Variants in PUM2 observed in about 807,000 individuals in gnomAD.
The protein encoded by PUM2 is pumilio homolog 2.
In PUM2, 57 loss-of-function variants were observed where a neutral mutation model predicts 124.5. The observed-to-expected ratio is 0.46, with a 90% CI of 0.37 to 0.57. The LOEUF is 0.57. PUM2 is among the 20% of genes least tolerant of loss of function. PUM2 has a pLI of 0.00. For synonymous variants in PUM2, 460 were observed against 446.1 expected (o/e 1.03, Z -0.39); for missense variants, 1,065 against 1,290.6 (o/e 0.83, Z 2.68).
chr2:20,269,586 T>C (rs934673294), intron 13 of PUM2, among the ~76,000 whole-genome samples: 2 of 152,196 alleles, frequency 1.3e-5, no homozygotes, highest in Non-Finnish European at 2.9e-5. Context: ...AGTGGGCATA[T>C]TTAAAAGTAT....
At chr2:20,326,401 T>C (rs952338275) in intron 2 of PUM2, 12 of 1,304,124 alleles carry the variant, frequency 9.2e-6, no homozygotes, top group African/African-American at 3.0e-5. Context: ...GAGCACAGCA[T>C]TGGATGGAGT....
chr2:20,326,746 TAATTTACAGGGGAGAC>T lies in PUM2; in HGVS notation c.51+548_51+563del, dbSNP rs1683775147. 2.0e-5 allele frequency among the ~76,000 whole-genome samples: 3 copies of T among 152,184 alleles called. No individual in the cohort carries two copies. The South Asian group carries it at 6.2e-4, about 31-fold the overall frequency. ...TACTATGCTAGGCATTCAAAGCTAA[TAATTTACAGGGGAGAC>T]AAGTGTAAAACAAACTAACCAGCAA... On this transcript the variant is annotated intron_variant, in intron 2 of 20. Coordinates refer to ENST00000361078, the MANE Select transcript of PUM2 (RefSeq NM_015317.5).
At chr2:20,307,933 A>G (rs767648545) in intron 7 of PUM2, 45 bp downstream of exon 7, 4 of 1,586,698 alleles carry the variant, frequency 2.5e-6, no homozygotes, top group Non-Finnish European at 3.4e-6. Flanking sequence ...CATCCTAGAC[A>G]TTTTAACAAG....
intron 7 of PUM2, among the ~76,000 whole-genome samples, chr2:20,298,843 TAATAAC>T (rs565378781): frequency 2.0e-5 from 3 of 152,064 alleles, no homozygotes; most frequent in Non-Finnish European, 4.4e-5. Flanking sequence ...CGTCTCAGAA[TAATAAC>T]AATAACAACA....
intron 1 of PUM2, among the ~76,000 whole-genome samples, chr2:20,345,373 G>A (rs920685400): frequency 1.1e-4 from 16 of 152,232 alleles, no homozygotes; most frequent in African/African-American, 3.6e-4. Flanking sequence ...GTCTCCCAAA[G>A]TGTTGAGATT....
At chr2:20,347,941 T>C (rs1041339157) in intron 1 of PUM2, among the ~76,000 whole-genome samples, 4 of 152,108 alleles carry the variant, frequency 2.6e-5, no homozygotes, top group Non-Finnish European at 5.9e-5. Flanking sequence ...CTGCCATATT[T>C]CATCAGCGTT....
Position 20,286,707 on chromosome 2 carries a change from CTCTT to C in PUM2, c.1292-3225_1292-3222del, listed in dbSNP as rs548998930. 2.6e-5 allele frequency among the ~76,000 whole-genome samples: 4 copies of C among 152,118 alleles called. No homozygotes were observed. In the South Asian group the frequency reaches 8.3e-4, roughly 32 times the overall value. ...TCTACATTCTTTGGTTTTATTCTCT[CTCTT>C]TTTTTTAGAGTTTCTGGATAAATGC... On this transcript the variant is annotated intron_variant, in intron 10 of 20. Transcript: ENST00000361078.
intron 1 of PUM2, among the ~76,000 whole-genome samples, chr2:20,345,911 C>T (rs906029318): frequency 1.3e-5 from 2 of 152,178 alleles, no homozygotes; most frequent in Admixed American, 6.5e-5. Flanking sequence ...GATGAAAAGA[C>T]ACAATTTTAA....
intron 13 of PUM2, among the ~76,000 whole-genome samples, chr2:20,265,503 C>T (rs889148764): frequency 6.6e-6 from 1 of 152,202 alleles, no homozygotes; most frequent in African/African-American, 2.4e-5. Context: ...AAAATTGGGT[C>T]CTTATCACAT....
intron 1 of PUM2, among the ~76,000 whole-genome samples, chr2:20,345,250 G>GT (rs1688031425): frequency 6.6e-6 from 1 of 151,746 alleles, no homozygotes; most frequent in Admixed American, 6.6e-5. Flanking sequence ...AGCTTGGACT[G>GT]TAAGTGCGTG....
intron 9 of PUM2, among the ~76,000 whole-genome samples, chr2:20,293,408 T>C (rs905582174): frequency 9.9e-5 from 15 of 152,216 alleles, no homozygotes; most frequent in African/African-American, 3.6e-4. Flanking sequence ...AGAGCATCTA[T>C]GTAGAATCAA....
Position 20,250,788 on chromosome 2 carries a change from C to A in PUM2, c.*797G>T, listed in dbSNP as rs566493695. The A allele has an allele frequency of 7.2e-5, 11 of 152,508 alleles. No individual in the cohort carries two copies. The highest frequency in any genetic ancestry group is 1.5e-4 in the Non-Finnish European group (10 of 67,974). 9.4% of individuals were successfully genotyped at this position (152,508 alleles called of 1,614,324 possible). ...AATTTCCACTCTTTCTCATTGCAAA[C>A]CAAACTGAAAAGTTAATAAGTGACT... On this transcript the variant is annotated 3_prime_UTR_variant, in exon 21 of 21. Transcript: ENST00000361078.
At chr2:20,316,962 C>A (rs1364092844) in intron 3 of PUM2, among the ~76,000 whole-genome samples, 1 of 151,856 alleles carries the variant, frequency 6.6e-6, no homozygotes, top group African/African-American at 2.4e-5. Context: ...ACCTGGGAGG[C>A]GGAGGTTGCA....
In PUM2 at chr2:20,347,578, T is replaced by C. The variant is rs1434936908; in HGVS notation, c.-19+3019A>G. 4.6e-5 allele frequency among the ~76,000 whole-genome samples: 7 copies of C among 152,230 alleles called. No individual in the cohort carries two copies. The South Asian group carries it at 1.2e-3, about 27-fold the overall frequency. On this transcript the variant is annotated intron_variant, in intron 1 of 20. Coordinates refer to ENST00000361078, the MANE Select transcript of PUM2 (RefSeq NM_015317.5). The stretch of plus-strand genomic sequence containing the variant: ...AAAACTGTCTCCTGTCTATATATAT[T>C]GCCAAATATAAAAATCACTATTAAA...
At chr2:20,260,028 T>C (rs1665790622) in intron 15 of PUM2, among the ~76,000 whole-genome samples, 1 of 152,214 alleles carries the variant, frequency 6.6e-6, no homozygotes, top group Non-Finnish European at 1.5e-5. Context: ...ATTTCCCTGA[T>C]TAGTAAGGAT....
At chr2:20,312,114 G>C in intron 4 of PUM2, 122 bp downstream of exon 4, 1 of 884,884 alleles carries the variant, frequency 1.1e-6, no homozygotes, top group South Asian at 1.9e-5. Context: ...AGCAATAATA[G>C]TTACAAAATT....
chr2:20,336,191 T>C (rs1206611157), intron 1 of PUM2, among the ~76,000 whole-genome samples: 1 of 145,248 alleles, frequency 6.9e-6, no homozygotes, highest in Non-Finnish European at 1.5e-5. Flanking sequence ...TTTTGTTTTT[T>C]TGTTTGTTTT....
intron 13 of PUM2, among the ~76,000 whole-genome samples, chr2:20,276,674 T>G (rs186019564): frequency 2.4e-4 from 37 of 152,194 alleles, no homozygotes; most frequent in African/African-American, 7.9e-4. Context: ...ATTATTTCCA[T>G]GAATAGTATG....
Position 20,316,265 on chromosome 2 carries a change from GA to G in PUM2, c.160+2271del, listed in dbSNP as rs1680912319. On this transcript the variant is annotated intron_variant, in intron 3 of 20. Transcript: ENST00000361078. ...TTGTTGAAATCACCAACATTTTCCAGACTTCCTAACCTTTTAGATTTTAGCT... is the reference window on the plus strand; with the variant it reads ...TTGTTGAAATCACCAACATTTTCCAGCTTCCTAACCTTTTAGATTTTAGCT... 5.3e-5 allele frequency among the ~76,000 whole-genome samples: 8 copies of G among 152,124 alleles called. No individual in the cohort carries two copies. In the South Asian group the frequency reaches 1.7e-3, roughly 32 times the overall value.
Sources: gnomAD v4.1 joint callset for allele counts (sites outside exome capture counted in the v4.1 genomes callset) on GRCh38, gnomAD v4.1.1 for gene constraint, MANE v1.5 for transcripts, NCBI Gene and HGNC (gene_info 2026-07-23, HGNC 2026-07-21) for gene names.